Variants in ELFN2 observed in about 807,000 individuals in gnomAD.
The protein encoded by ELFN2 is extracellular leucine rich repeat and fibronectin type III domain containing 2, also known as protein phosphatase 1 regulatory subunit 29.
In ELFN2, 17 loss-of-function variants were observed where a neutral mutation model predicts 45.5. The ratio of observed to expected loss-of-function variants is 0.37; its 90% CI spans 0.26 to 0.56. The LOEUF (loss-of-function observed/expected upper bound fraction) is 0.56, where lower values mean the gene tolerates loss of function less well. ELFN2 is among the 20% of genes least tolerant of loss of function. The pLI is 0.77. For synonymous variants in ELFN2, 550 were observed against 551.5 expected, an observed-to-expected ratio of 1.00 and a Z score of 0.04; for missense variants, 922 against 1,183.2, an observed-to-expected ratio of 0.78 and a Z score of 3.24.
rs760387159 is a variant in ELFN2, at chr22:37,375,178, C to T, written c.357G>A (p.Thr119=). 6.2e-6 allele frequency: 10 copies of T among 1,613,948 alleles called. No homozygotes were observed. The highest frequency in any genetic ancestry group is 2.2e-5 in the East Asian group (1 of 44,890). ...QLGYNKLSNL[T]EGMLRGMSRL... Reference sequence around the variant, plus strand: ...GGCTCATGCCTCGCAGCATGCCCTCCGTCAGGTTGCTGAGCTTGTTGTAGC... The same window carrying T: ...GGCTCATGCCTCGCAGCATGCCCTCTGTCAGGTTGCTGAGCTTGTTGTAGC... Residue 119 remains threonine (T), a synonymous_variant, in exon 3 of 3, where the codon ACG becomes ACA. Coordinates refer to ENST00000402918, the MANE Select transcript of ELFN2 (RefSeq NM_052906.5).
At chr22:37,352,965 G>C (rs1194564731) in intron 1 of ELFN2, among the ~76,000 whole-genome samples, 5 of 150,856 alleles carry the variant, frequency 3.3e-5, no homozygotes. Context: ...AGTGATTCAG[G>C]CAAGGGGCAA....
At chr22:37,408,443 C>T (rs1932564278) in intron 2 of ELFN2, among the ~76,000 whole-genome samples, 1 of 152,244 alleles carries the variant, frequency 6.6e-6, no homozygotes, top group South Asian at 2.1e-4. Context: ...ATTCTCACAA[C>T]AGCCCTGCCA....
intron 1 of ELFN2, among the ~76,000 whole-genome samples, chr22:37,362,766 A>C (rs1327848875): frequency 6.6e-6 from 1 of 152,178 alleles, no homozygotes. Context: ...CTGCCGAGGA[A>C]ATAAACACAC....
chr22:37,399,508 CGGGG>C, intron 2 of ELFN2, among the ~76,000 whole-genome samples: 1 of 149,112 alleles, frequency 6.7e-6, no homozygotes, highest in South Asian at 2.1e-4. Flanking sequence ...CCACCGACCA[CGGGG>C]ACCACCAGCC....
At chr22:37,376,211 CAG>C (rs763219000) in intron 2 of ELFN2, among the ~76,000 whole-genome samples, 51 of 152,102 alleles carry the variant, frequency 3.4e-4, no homozygotes, top group Non-Finnish European at 6.3e-4. Flanking sequence ...CGGAGGGAGA[CAG>C]AAGAATAGGG....
At chr22:37,346,455 C>T (rs1022459431) in intron 1 of ELFN2, among the ~76,000 whole-genome samples, 2 of 151,992 alleles carry the variant, frequency 1.3e-5, no homozygotes, top group Non-Finnish European at 2.9e-5. Context: ...CCACCCTACA[C>T]ACCCCTCCTG....
chr22:37,408,053 A>G (rs1932551139), intron 2 of ELFN2, among the ~76,000 whole-genome samples: 1 of 152,214 alleles, frequency 6.6e-6, no homozygotes, highest in Admixed American at 6.5e-5. Flanking sequence ...AGGCTGATTC[A>G]GTCCCACAAG....
At chr22:37,402,274 C>T (rs1932381921) in intron 2 of ELFN2, among the ~76,000 whole-genome samples, 1 of 152,302 alleles carries the variant, frequency 6.6e-6, no homozygotes, top group South Asian at 2.1e-4. Context: ...GTTTGTCTTC[C>T]GGGGCAAGCT....
chr22:37,347,167 G>A (rs1435742436), intron 1 of ELFN2, among the ~76,000 whole-genome samples: 1 of 151,886 alleles, frequency 6.6e-6, no homozygotes, highest in African/African-American at 2.4e-5. Context: ...TAGTAGAGAT[G>A]GGGGTTTCAA....
At chr22:37,397,182 G>C (rs1932234674) in intron 2 of ELFN2, among the ~76,000 whole-genome samples, 1 of 152,138 alleles carries the variant, frequency 6.6e-6, no homozygotes, top group Non-Finnish European at 1.5e-5. Context: ...ATGCTCACCA[G>C]CTCCAAGTGG....
chr22:37,392,719 G>A (rs1480371957), intron 2 of ELFN2, among the ~76,000 whole-genome samples: 2 of 152,176 alleles, frequency 1.3e-5, no homozygotes, highest in African/African-American at 4.8e-5. Flanking sequence ...AAGTGAGCGT[G>A]CTCCCCACGC....
chr22:37,384,327 G>C (rs1931876591), intron 2 of ELFN2, among the ~76,000 whole-genome samples: 1 of 151,106 alleles, frequency 6.6e-6, no homozygotes, highest in Admixed American at 6.6e-5. Flanking sequence ...CTGGGGATAG[G>C]ATTGTCCCAC....
At chr22:37,361,028 C>A (rs546981513) in intron 1 of ELFN2, among the ~76,000 whole-genome samples, 2 of 152,218 alleles carry the variant, frequency 1.3e-5, no homozygotes, top group South Asian at 2.1e-4. Flanking sequence ...GCCTTTAACC[C>A]TCACCTGAAC....
chr22:37,424,947 G>C (rs151138438), intron 1 of ELFN2, among the ~76,000 whole-genome samples: 2 of 151,526 alleles, frequency 1.3e-5, no homozygotes, highest in South Asian at 2.1e-4. Flanking sequence ...ATCAGCACCC[G>C]CCCCCCACAA....
intron 2 of ELFN2, among the ~76,000 whole-genome samples, chr22:37,392,129 T>C (rs1932100049): frequency 1.3e-5 from 2 of 152,348 alleles, no homozygotes; most frequent in South Asian, 2.1e-4. Context: ...GGAATTTAAC[T>C]GCTACCGTTA....
At chr22:37,405,451 G>A (rs1443681958) in intron 2 of ELFN2, among the ~76,000 whole-genome samples, 2 of 151,990 alleles carry the variant, frequency 1.3e-5, no homozygotes, top group Non-Finnish European at 2.9e-5. Context: ...CATGGCTCAT[G>A]GGGTCACTGT....
At chr22:37,408,515 C>T (rs971123678) in intron 2 of ELFN2, among the ~76,000 whole-genome samples, 2 of 152,244 alleles carry the variant, frequency 1.3e-5, no homozygotes, top group Non-Finnish European at 2.9e-5. Flanking sequence ...GGTGAAGTCA[C>T]TTGCTCAGTA....
chr22:37,394,740 C>T (rs1157455538), intron 2 of ELFN2, among the ~76,000 whole-genome samples: 2 of 152,236 alleles, frequency 1.3e-5, no homozygotes, highest in Non-Finnish European at 1.5e-5. Context: ...CTTCACTCCT[C>T]GCCTGGGACT....
intron 2 of ELFN2, among the ~76,000 whole-genome samples, chr22:37,403,769 G>A (rs533260285): frequency 9.4e-4 from 143 of 152,364 alleles, no homozygotes; most frequent in African/African-American, 3.2e-3. Flanking sequence ...GCCAGCCATC[G>A]GCGGTGCCCG....
Sources: allele counts gnomAD v4.1 joint callset (sites outside exome capture counted in the v4.1 genomes callset), GRCh38; gene constraint gnomAD v4.1.1; transcripts MANE v1.5; gene names NCBI Gene and HGNC (gene_info 2026-07-23, HGNC 2026-07-21).